RPL36: variants seen among roughly 807,000 people sequenced by gnomAD.
The protein encoded by RPL36 is large ribosomal subunit protein eL36.
For synonymous variants in RPL36, 74 were observed against 56.0 expected (o/e 1.32, Z -1.44); for missense variants, 131 against 144.9 (o/e 0.90, Z 0.49).
rs761610401 is a variant in RPL36 at position 5,691,547 on chromosome 19, C to T, written c.244C>T (p.Arg82Cys). The change falls in exon 4 of 4, where the codon CGC becomes TGC. Residue 82 changes from arginine (R) to cysteine (C), a missense_variant. Arg to Cys is a radical substitution (Grantham distance 180). Coordinates refer to ENST00000347512, the MANE Select transcript of RPL36 (RefSeq NM_033643.3). ...TCCCTGGCAGGTGGGGACGCACATC[C>T]GCGCCAAGAGGAAGCGGGAGGAGCT... ...FIKKRVGTHIRAKRKREELSN... is the reference protein window; with the variant it reads ...FIKKRVGTHICAKRKREELSN... 2 of 1,611,940 alleles carry T rather than the reference C, an allele frequency of 1.2e-6. No homozygotes were observed. Among genetic ancestry groups the T allele is most frequent in the Non-Finnish European group, 8.5e-7 (1 of 1,179,898 alleles).
Position 5,691,640 on chromosome 19 carries a change from C to A in RPL36, c.*19C>A. On this transcript the variant is annotated 3_prime_UTR_variant, in exon 4 of 4. Transcript: ENST00000347512. ...AGACTGAGCCCCTCCCCTGCCCTCT[C>A]CCTGAAATAAAGAACAGCTTGACAG... is the stretch of plus-strand genomic sequence containing the variant. 1 of 1,590,688 alleles carries A rather than the reference C, an allele frequency of 6.3e-7. No homozygotes were observed. The highest frequency in any genetic ancestry group is 8.6e-7 in the Non-Finnish European group (1 of 1,169,510).
chr19:5,691,687 C>T lies in RPL36; in HGVS notation c.*66C>T. 1.3e-6 allele frequency: 2 copies of T among 1,497,456 alleles called. No homozygotes were observed. The highest frequency in any genetic ancestry group is 2.0e-5 in the Admixed American group (1 of 51,098). 92.8% of individuals were successfully genotyped at this position (1,497,456 alleles called of 1,614,324 possible). On this transcript the variant is annotated 3_prime_UTR_variant, in exon 4 of 4. Transcript: ENST00000347512. ...ACAGAAGCCCTGGCTCTCCTGCTGT[C>T]CGTGGGTGGGTGTGGGTGTGTCGGG... is the stretch of plus-strand genomic sequence containing the variant.
rs539607905 is a variant in RPL36 at position 5,690,322 on chromosome 19, C to T, written c.-8C>T. On this transcript the variant is annotated 5_prime_UTR_variant, in exon 1 of 4. Coordinates refer to ENST00000347512, the MANE Select transcript of RPL36 (RefSeq NM_033643.3). ...TTCCGCCACGGCCGTCTCTGGAGAG[C>T]AGCAGGTAAGTGGTTTCCCGCACTG... is the stretch of plus-strand genomic sequence containing the variant. 465 of 643,138 alleles carry T rather than the reference C, an allele frequency of 7.2e-4. 3 individuals carry two copies. The highest frequency in any genetic ancestry group is 5.8e-3 in the South Asian group (336 of 58,114). 39.8% of individuals were successfully genotyped at this position (643,138 alleles called of 1,614,324 possible). A position where few individuals can be genotyped will look rare whatever the true frequency, so the allele number is the denominator to read the frequency against.
chr19:5,691,747 C>G lies in RPL36; in HGVS notation c.*126C>G, dbSNP rs1319438727. ...TCCCCTGTCTGGTGCCCGCTCTGAG[C>G]CACACCCTCTCCGGGTGCTGCCTGG... On this transcript the variant is annotated 3_prime_UTR_variant, in exon 4 of 4. Transcript: ENST00000347512. 3 of 1,074,504 alleles carry G rather than the reference C, an allele frequency of 2.8e-6. No individual in the cohort carries two copies. The African/African-American group carries it at 4.7e-5, about 17-fold the overall frequency. The allele number at this position is 1,074,504 out of a possible 1,614,324, so 66.6% of individuals were successfully genotyped here. A position where few individuals can be genotyped will look rare whatever the true frequency, so the allele number is the denominator to read the frequency against.
Position 5,691,689 on chromosome 19 carries a change from G to A in RPL36, c.*68G>A, listed in dbSNP as rs964925609. Reference sequence around the variant, plus strand: ...AGAAGCCCTGGCTCTCCTGCTGTCCGTGGGTGGGTGTGGGTGTGTCGGGGG... The same window carrying A: ...AGAAGCCCTGGCTCTCCTGCTGTCCATGGGTGGGTGTGGGTGTGTCGGGGG... On this transcript the variant is annotated 3_prime_UTR_variant, in exon 4 of 4. Transcript: ENST00000347512. The A allele has an allele frequency of 4.1e-6, 6 of 1,445,996 alleles. No homozygotes were observed. Among genetic ancestry groups the A allele is most frequent in the Non-Finnish European group, 5.7e-6 (6 of 1,053,998 alleles). 89.6% of individuals were successfully genotyped at this position (1,445,996 alleles called of 1,614,324 possible).
In RPL36 at chr19:5,691,757, T is replaced by C; in HGVS notation, c.*136T>C. ...GGTGCCCGCTCTGAGCCACACCCTCTCCGGGTGCTGCCTGGTCGTGAATCA... is the reference window on the plus strand; with the variant it reads ...GGTGCCCGCTCTGAGCCACACCCTCCCCGGGTGCTGCCTGGTCGTGAATCA... On this transcript the variant is annotated 3_prime_UTR_variant, in exon 4 of 4. Coordinates refer to ENST00000347512, the MANE Select transcript of RPL36 (RefSeq NM_033643.3). 3 of 1,041,556 alleles carry C rather than the reference T, an allele frequency of 2.9e-6. No individual in the cohort carries two copies. The highest frequency in any genetic ancestry group is 4.3e-6 in the Non-Finnish European group (3 of 694,100). The allele number at this position is 1,041,556 out of a possible 1,614,324, so 64.5% of individuals were successfully genotyped here.
At chr19:5,690,379 C>A in intron 1 of RPL36, 52 bp downstream of exon 1, 1 of 748,966 alleles carries the variant, frequency 1.3e-6, no homozygotes. Context: ...ACTCCCGGGT[C>A]CTCTGTGCAG....
intron 2 of RPL36, chr19:5,690,886 C>G: frequency 1.8e-6 from 1 of 562,004 alleles, no homozygotes; most frequent in Non-Finnish European, 3.2e-6. Context: ...TAGGAGTTCG[C>G]TCATGGAGCT....
intron 1 of RPL36, 21 bp downstream of exon 1, chr19:5,690,348 C>A (rs930043254): frequency 1.5e-5 from 10 of 680,548 alleles, no homozygotes; most frequent in Non-Finnish European, 2.2e-5. Flanking sequence ...TCCCGCACTG[C>A]CGGTATCCGC....
rs553500565 is a variant in RPL36, at chr19:5,690,314, C to G, written c.-16C>G. 2 of 638,520 alleles carry G rather than the reference C, an allele frequency of 3.1e-6. No individual in the cohort carries two copies. Among genetic ancestry groups the G allele is most frequent in the African/African-American group, 1.8e-5 (1 of 55,748 alleles). The allele number at this position is 638,520 out of a possible 1,614,324, so 39.6% of individuals were successfully genotyped here. ...GCCAGCCCTTCCGCCACGGCCGTCT[C>G]TGGAGAGCAGCAGGTAAGTGGTTTC... On this transcript the variant is annotated 5_prime_UTR_variant, in exon 1 of 4. Coordinates refer to ENST00000347512, the MANE Select transcript of RPL36 (RefSeq NM_033643.3).
Position 5,691,310 on chromosome 19 carries a change from C to A in RPL36, c.94-9C>A, listed in dbSNP as rs368913373. 63 of 1,612,200 alleles carry A rather than the reference C, an allele frequency of 3.9e-5. No individual in the cohort carries two copies. The highest frequency in any genetic ancestry group is 4.8e-5 in the Non-Finnish European group (57 of 1,179,994). ...CCCCTACCCTGACGGCCGCCCCTTTCCCCCCTAGCGTCTGACCAAACACAC... is the reference window on the plus strand; with the variant it reads ...CCCCTACCCTGACGGCCGCCCCTTTACCCCCTAGCGTCTGACCAAACACAC... On this transcript the variant is annotated splice_polypyrimidine_tract_variant and intron_variant, in intron 2 of 3. Coordinates refer to ENST00000347512, the MANE Select transcript of RPL36 (RefSeq NM_033643.3).
chr19:5,690,419 G>A (rs541486910), intron 1 of RPL36, 87 bp from the exon 2 acceptor site: 1 of 1,039,742 alleles, frequency 9.6e-7, no homozygotes, highest in East Asian at 2.6e-5. Flanking sequence ...TGGCGAGCGA[G>A]GCTGAAGGAG....
chr19:5,691,382 T>A lies in RPL36; in HGVS notation c.157T>A (p.Tyr53Asn), dbSNP rs943535717. Residue 53 changes from tyrosine (Y) to asparagine (N), a missense_variant, in exon 3 of 4, where the codon TAC becomes AAC. Coordinates refer to ENST00000347512, the MANE Select transcript of RPL36 (RefSeq NM_033643.3). ...MIREVCGFAP[Y>N]ERRAMELLKV... ...TCGGGAGGTGTGTGGCTTTGCCCCGTACGAGCGGCGCGCCATGGAGTTACT... is the reference window on the plus strand; with the variant it reads ...TCGGGAGGTGTGTGGCTTTGCCCCGAACGAGCGGCGCGCCATGGAGTTACT... 1.2e-6 allele frequency: 2 copies of A among 1,613,766 alleles called. No homozygotes were observed. The highest frequency in any genetic ancestry group is 1.7e-4 in the Middle Eastern group (1 of 5,868).
chr19:5,690,673 C>G (rs1568306653), intron 2 of RPL36, 73 bp downstream of exon 2: 2 of 1,261,902 alleles, frequency 1.6e-6, no homozygotes, highest in Non-Finnish European at 2.3e-6. Flanking sequence ...GGCAAAGGCT[C>G]TCGACCTGAA....
chr19:5,691,186 G>C (rs924863999), intron 2 of RPL36, 133 bp from the exon 3 acceptor site: 1 of 1,368,690 alleles, frequency 7.3e-7, no homozygotes, highest in African/African-American at 1.4e-5. Flanking sequence ...AGCGCTAGGC[G>C]TTAATACCTT....
intron 2 of RPL36, 77 bp from the exon 3 acceptor site, chr19:5,691,242 C>T (rs1461691023): frequency 2.5e-6 from 4 of 1,600,806 alleles, no homozygotes; most frequent in Admixed American, 3.3e-5. Context: ...CCAGGGAAAT[C>T]GCGGCAGCGC....
chr19:5,690,443 C>A, intron 1 of RPL36, 63 bp from the exon 2 acceptor site: 1 of 1,274,380 alleles, frequency 7.8e-7, no homozygotes, highest in Non-Finnish European at 1.1e-6. Context: ...GGACGCGGGG[C>A]TCTGGGCCTC....
Position 5,690,305 on chromosome 19 carries a change from C to G in RPL36, c.-25C>G. On this transcript the variant is annotated 5_prime_UTR_variant, in exon 1 of 4. Transcript: ENST00000347512. The stretch of plus-strand genomic sequence containing the variant: ...CCGCGCGGCGCCAGCCCTTCCGCCA[C>G]GGCCGTCTCTGGAGAGCAGCAGGTA... The G allele has an allele frequency of 1.6e-6, 1 of 617,032 alleles. No individual in the cohort carries two copies. Among genetic ancestry groups the G allele is most frequent in the South Asian group, 1.8e-5 (1 of 54,710 alleles). 38.2% of individuals were successfully genotyped at this position (617,032 alleles called of 1,614,324 possible).
At chr19:5,691,008 G>T (rs377532546) in intron 2 of RPL36, 3 of 542,486 alleles carry the variant, frequency 5.5e-6, no homozygotes, top group East Asian at 6.5e-5. Flanking sequence ...TAAGGAGTTC[G>T]CTCATGGAGC....
Sources: gnomAD v4.1 joint callset for allele counts on GRCh38, gnomAD v4.1.1 for gene constraint, MANE v1.5 for transcripts, NCBI Gene and HGNC (gene_info 2026-07-23, HGNC 2026-07-21) for gene names.